The following LIPC variants were observed in gnomAD, a reference collection of about 807,000 sequenced individuals.
LIPC encodes the protein hepatic triacylglycerol lipase.
Under a neutral mutation model 50.7 loss-of-function variants are expected in LIPC, and 44 were observed. The observed-to-expected ratio is 0.87, with a 90% CI of 0.68 to 1.11. The LOEUF (loss-of-function observed/expected upper bound fraction) is 1.11. Ranked by LOEUF, LIPC falls within the 50% of genes most tolerant of loss-of-function variation. The pLI, the probability that LIPC is intolerant of heterozygous loss-of-function variation, is 0.00. For synonymous variants in LIPC, 271 were observed against 256.4 expected, an observed-to-expected ratio of 1.06 and a Z score of -0.54; for missense variants, 697 against 648.2, an observed-to-expected ratio of 1.08 and a Z score of -0.82.
At chr15:58,536,094 G>C (rs73412735) in intron 1 of LIPC, among the ~76,000 whole-genome samples, 1 of 152,192 alleles carries the variant, frequency 6.6e-6, no homozygotes, top group Non-Finnish European at 1.5e-5. Context: ...TGCAGGGCAA[G>C]TGTATTAGGA....
intron 2 of LIPC, among the ~76,000 whole-genome samples, chr15:58,539,955 G>A (rs1340644357): frequency 6.6e-6 from 1 of 152,166 alleles, no homozygotes; most frequent in African/African-American, 2.4e-5. Flanking sequence ...GTCACCGGGA[G>A]TTCCCGTGTG....
At chr15:58,465,495 G>A (rs1466946930) in intron 1 of LIPC, among the ~76,000 whole-genome samples, 1 of 152,222 alleles carries the variant, frequency 6.6e-6, no homozygotes, top group African/African-American at 2.4e-5. Context: ...ATTATAGATT[G>A]TAGGACATGA....
chr15:58,471,303 AT>A (rs547072418), intron 1 of LIPC, among the ~76,000 whole-genome samples: 274 of 92,176 alleles, frequency 3.0e-3, no homozygotes, highest in African/African-American at 0.011. Flanking sequence ...TGCCTAGCTA[AT>A]TTTTTTTGTA....
At chr15:58,496,761 T>G (rs1408173701) in intron 1 of LIPC, among the ~76,000 whole-genome samples, 1 of 72,928 alleles carries the variant, frequency 1.4e-5, no homozygotes, top group Non-Finnish European at 2.9e-5. Flanking sequence ...AAAAAAAAAA[T>G]TAAGATGGAG....
chr15:58,566,769 A>G (rs1483825497), intron 8 of LIPC, among the ~76,000 whole-genome samples: 1 of 152,216 alleles, frequency 6.6e-6, no homozygotes, highest in African/African-American at 2.4e-5. Context: ...AAGACATTCA[A>G]TTTCCACAGT....
chr15:58,507,470 C>T (rs1008396991), intron 1 of LIPC, among the ~76,000 whole-genome samples: 7 of 152,202 alleles, frequency 4.6e-5, no homozygotes, highest in Non-Finnish European at 8.8e-5. Flanking sequence ...GGTCTTGCGA[C>T]ATATCTACGA....
At chr15:58,509,963 A>G (rs2140855395) in intron 1 of LIPC, among the ~76,000 whole-genome samples, 1 of 151,058 alleles carries the variant, frequency 6.6e-6, no homozygotes, top group East Asian at 1.9e-4. Context: ...AATCATTAAA[A>G]AAAAAAAGAG....
In LIPC at chr15:58,569,460, CATAATT is replaced by C. The variant is rs1488752351; in HGVS notation, c.*636_*641del. The C allele has an allele frequency of 6.6e-6, 1 of 152,144 alleles. No homozygotes were observed. Among genetic ancestry groups the C allele is most frequent in the Non-Finnish European group, 1.5e-5 (1 of 68,020 alleles). The allele number at this position is 152,144 out of a possible 1,614,324, so 9.4% of individuals were successfully genotyped here. A position where few individuals can be genotyped will look rare whatever the true frequency, so the allele number is the denominator to read the frequency against. ...ATAATGGAATTACAAATTAAATAAACATAATTATTATATCTTACTAATGCTTGCAAC... is the reference window on the plus strand; with the variant it reads ...ATAATGGAATTACAAATTAAATAAACATTATATCTTACTAATGCTTGCAAC... On this transcript the variant is annotated 3_prime_UTR_variant, in exon 9 of 9. Transcript: ENST00000299022.
At chr15:58,476,392 G>A (rs1487474905) in intron 1 of LIPC, among the ~76,000 whole-genome samples, 2 of 152,224 alleles carry the variant, frequency 1.3e-5, no homozygotes, top group Admixed American at 1.3e-4. Flanking sequence ...TCCTCTAAGG[G>A]ACAGAAGTCA....
rs767816721 is a variant in LIPC, at chr15:58,568,868, C to T, written c.*41C>T. 8.5e-7 allele frequency: 1 copy of T among 1,180,626 alleles called. No individual in the cohort carries two copies. Among genetic ancestry groups the T allele is most frequent in the Non-Finnish European group, 1.2e-6 (1 of 812,978 alleles). The allele number at this position is 1,180,626 out of a possible 1,614,324, so 73.1% of individuals were successfully genotyped here. On this transcript the variant is annotated 3_prime_UTR_variant, in exon 9 of 9. Transcript: ENST00000299022. The stretch of plus-strand genomic sequence containing the variant: ...CAGTGTAAAGAATAAATGAATCTTA[C>T]TCCTTATCTGGAATGGCTGCCTTAT...
At chr15:58,552,085 G>C (rs1893782953) in intron 6 of LIPC, among the ~76,000 whole-genome samples, 1 of 152,168 alleles carries the variant, frequency 6.6e-6, no homozygotes, top group African/African-American at 2.4e-5. Context: ...GGAGGGAAAC[G>C]GATCTGTACG....
intron 1 of LIPC, among the ~76,000 whole-genome samples, chr15:58,485,621 T>C (rs907584990): frequency 6.6e-6 from 1 of 152,230 alleles, no homozygotes; most frequent in Non-Finnish European, 1.5e-5. Context: ...ACGCTGACAC[T>C]GGACCAGGCA....
At chr15:58,480,492 A>G (rs1300248600) in intron 1 of LIPC, among the ~76,000 whole-genome samples, 2 of 152,050 alleles carry the variant, frequency 1.3e-5, no homozygotes, top group Non-Finnish European at 1.5e-5. Flanking sequence ...ATGAGGTTTC[A>G]CTATGTTGGC....
chr15:58,502,395 G>C (rs975691381), intron 1 of LIPC, among the ~76,000 whole-genome samples: 1 of 152,114 alleles, frequency 6.6e-6, no homozygotes, highest in Non-Finnish European at 1.5e-5. Context: ...CCTGGCACAC[G>C]CAGGTGCTAG....
At chr15:58,552,681 C>T (rs1376825691) in intron 6 of LIPC, among the ~76,000 whole-genome samples, 1 of 152,220 alleles carries the variant, frequency 6.6e-6, no homozygotes, top group East Asian at 1.9e-4. Flanking sequence ...CTCGGGCAGT[C>T]GGTCTGTTTT....
chr15:58,566,268 G>A, intron 8 of LIPC: 8 of 985,436 alleles, frequency 8.1e-6, no homozygotes, highest in Non-Finnish European at 9.6e-6. Context: ...CTTTGAGGAG[G>A]CCAAGAGGTG....
intron 1 of LIPC, chr15:58,436,618 T>A (rs1254150962): frequency 2.5e-6 from 1 of 405,090 alleles, no homozygotes; most frequent in Non-Finnish European, 5.0e-6. Context: ...ATTAAAATGA[T>A]CCGTTCTGTG....
chr15:58,433,490 C>T (rs1394302191), intron 1 of LIPC, among the ~76,000 whole-genome samples: 2 of 152,138 alleles, frequency 1.3e-5, no homozygotes, highest in South Asian at 2.1e-4. Context: ...TTCTTTCGTT[C>T]GACATTATGT....
intron 1 of LIPC, among the ~76,000 whole-genome samples, chr15:58,450,634 A>G (rs1316356981): frequency 1.3e-5 from 2 of 152,220 alleles, no homozygotes; most frequent in African/African-American, 4.8e-5. Context: ...TTGAAATGTT[A>G]CATGGGTCTG....
Sources: allele counts gnomAD v4.1 joint callset (sites outside exome capture counted in the v4.1 genomes callset), GRCh38; gene constraint gnomAD v4.1.1; transcripts MANE v1.5; gene names NCBI Gene and HGNC (gene_info 2026-07-23, HGNC 2026-07-21).